The following ZNF544 variants were observed in gnomAD, a reference collection of about 807,000 sequenced individuals.
ZNF544 encodes zinc finger protein 544.
In ZNF544, 10 loss-of-function variants were observed where a neutral mutation model predicts 13.5. The observed-to-expected ratio is 0.74, with a 90% CI of 0.46 to 1.25. The LOEUF (loss-of-function observed/expected upper bound fraction) is 1.25. Ranked by LOEUF, ZNF544 falls within the 50% of genes most tolerant of loss-of-function variation. The pLI is 0.00. For missense variants in ZNF544, 896 were observed against 845.6 expected (o/e 1.06, Z -0.74); for synonymous variants, 323 against 300.5 (o/e 1.07, Z -0.77).
Position 58,262,664 on chromosome 19 carries a change from A to G in ZNF544, c.2058A>G (p.Lys686=). 1.9e-6 allele frequency: 3 copies of G among 1,613,970 alleles called. No homozygotes were observed. The highest frequency in any genetic ancestry group is 2.5e-6 in the Non-Finnish European group (3 of 1,179,940). Residue 686 remains lysine, a synonymous_variant, in exon 7 of 7, where the codon AAA becomes AAG. Transcript: ENST00000687789. ...ATCACAGAATTCATTCTGGAGAGAA[A>G]CCCTATGAATGTAGTGACTGTGGGA... ...LSHHRIHSGE[K]PYECSDCGKS... is the part of the protein sequence containing the mutation.
chr19:58,262,246 C>T lies in ZNF544; in HGVS notation c.1640C>T (p.Pro547Leu), dbSNP rs137923606. 2.5e-5 allele frequency: 41 copies of T among 1,614,036 alleles called. 1 individual carries two copies. Among genetic ancestry groups the T allele is most frequent in the Admixed American group, 2.3e-4 (14 of 59,992 alleles). ...CAGCGAATTCACACTGGAGAAAAACCGTATCAGTGTATTGAATGTGGGAAA... is the reference window on the plus strand; with the variant it reads ...CAGCGAATTCACACTGGAGAAAAACTGTATCAGTGTATTGAATGTGGGAAA... Reference protein sequence around the residue: ...THQRIHTGEKPYQCIECGKSF... With the variant: ...THQRIHTGEKLYQCIECGKSF... Residue 547 changes from proline (P) to leucine (L), a missense_variant, in exon 7 of 7, where the codon CCG becomes CTG. Coordinates refer to ENST00000687789, the MANE Select transcript of ZNF544 (RefSeq NM_014480.4).
intron 3 of ZNF544, among the ~76,000 whole-genome samples, chr19:58,241,179 A>ATATTT (rs1181835768): frequency 1.2e-4 from 9 of 72,768 alleles, no homozygotes; most frequent in Admixed American, 3.5e-4. Flanking sequence ...ATATATATAT[A>ATATTT]TTTTTTTTTT....
intron 5 of ZNF544, among the ~76,000 whole-genome samples, chr19:58,275,172 GTGACTCA>G (rs2051121539): frequency 6.6e-6 from 1 of 152,108 alleles, no homozygotes; most frequent in Non-Finnish European, 1.5e-5. Flanking sequence ...AATGTTGGGT[GTGACTCA>G]GGAGCCAGGA....
exon 7 of ZNF544, chr19:58,277,210 G>A (rs2051285390): frequency 1.6e-6 from 2 of 1,229,196 alleles, no homozygotes; most frequent in Non-Finnish European, 2.0e-6. Context: ...AAGCAGAGAC[G>A]GTACAGGGCC....
rs1180247610 is a variant in ZNF544 at position 58,263,139 on chromosome 19, A to G, written c.*385A>G. The G allele has an allele frequency of 4.0e-6, 4 of 1,010,036 alleles. No homozygotes were observed. The African/African-American group carries it at 6.9e-5, about 17-fold the overall frequency. The allele number at this position is 1,010,036 out of a possible 1,614,324, so 62.6% of individuals were successfully genotyped here. The stretch of plus-strand genomic sequence containing the variant: ...TGATACTTTCCTTATTCAACATGAG[A>G]AAGCTCATGGGCAAGAAACTCTATG... On this transcript the variant is annotated 3_prime_UTR_variant, in exon 7 of 7. Transcript: ENST00000687789.
chr19:58,243,612 A>G (rs1488563927), intron 3 of ZNF544, among the ~76,000 whole-genome samples: 1 of 151,902 alleles, frequency 6.6e-6, no homozygotes, highest in African/African-American at 2.4e-5. Flanking sequence ...CCACACCCCC[A>G]TTGTCATCAT....
chr19:58,241,624 G>C (rs1308464437), intron 3 of ZNF544, among the ~76,000 whole-genome samples: 2 of 151,770 alleles, frequency 1.3e-5, no homozygotes, highest in African/African-American at 4.8e-5. Flanking sequence ...GGCCTCCTGA[G>C]TAGCTGGGAC....
intron 6 of ZNF544, among the ~76,000 whole-genome samples, chr19:58,250,091 C>A (rs773663777): frequency 7.2e-5 from 11 of 152,204 alleles, no homozygotes; most frequent in Non-Finnish European, 1.3e-4. Context: ...GTCCAATTGG[C>A]TGGTAAACAT....
intron 5 of ZNF544, among the ~76,000 whole-genome samples, chr19:58,274,944 A>G (rs568093421): frequency 2.4e-4 from 36 of 152,158 alleles, no homozygotes; most frequent in African/African-American, 8.4e-4. Context: ...CAAAGAAACC[A>G]CAGAATAACA....
chr19:58,271,405 C>T (rs1278103903), intron 5 of ZNF544, among the ~76,000 whole-genome samples: 1 of 151,802 alleles, frequency 6.6e-6, no homozygotes, highest in African/African-American at 2.4e-5. Flanking sequence ...AGTTGGAGAC[C>T]AGCCTGGGCA....
At position 58,274,245 on chromosome 19, in the gene ZNF544, A is replaced by T. The variant is rs545623293; in HGVS notation, c.245-2078A>T. On this transcript the variant is annotated intron_variant, in intron 5 of 6. Transcript: ENST00000595981. ...AGCTGTGTCTCTTCCCAAAATTGATATGTTGAAGTTCTAACCCATAGTACC... is the reference window on the plus strand; with the variant it reads ...AGCTGTGTCTCTTCCCAAAATTGATTTGTTGAAGTTCTAACCCATAGTACC... 5.3e-5 allele frequency among the ~76,000 whole-genome samples: 8 copies of T among 152,286 alleles called. No individual in the cohort carries two copies. The South Asian group carries it at 1.7e-3, about 32-fold the overall frequency.
chr19:58,247,661 G>A (rs2045539163), intron 6 of ZNF544: 1 of 152,084 alleles, frequency 6.6e-6, no homozygotes, highest in Admixed American at 6.5e-5. Flanking sequence ...CTCCCAAAGT[G>A]CCGGGATTAC....
intron 4 of ZNF544, 66 bp downstream of exon 4, chr19:58,244,122 C>A: frequency 7.2e-7 from 1 of 1,394,372 alleles, no homozygotes; most frequent in Non-Finnish European, 1.0e-6. Flanking sequence ...CCAGGAATAG[C>A]ACCCGCCCCT....
chr19:58,250,170 CAT>C (rs1265419928), intron 6 of ZNF544, among the ~76,000 whole-genome samples: 2 of 152,186 alleles, frequency 1.3e-5, no homozygotes, highest in Non-Finnish European at 2.9e-5. Context: ...CTATGGTAAA[CAT>C]GTGGGTTAGC....
intron 3 of ZNF544, among the ~76,000 whole-genome samples, chr19:58,241,183 T>TAATATATATATATATA (rs1254015931): frequency 9.5e-5 from 3 of 31,452 alleles, no homozygotes; most frequent in Admixed American, 7.9e-4. Context: ...ATATATATTT[T>TAATATATATATATATA]TTTTTTTTTG....
chr19:58,273,471 A>C (rs1264588590), intron 5 of ZNF544, among the ~76,000 whole-genome samples: 2 of 152,078 alleles, frequency 1.3e-5, no homozygotes, highest in Non-Finnish European at 2.9e-5. Context: ...TGGGCGGATC[A>C]CCAGGTCAGG....
At chr19:58,274,514 C>G (rs1157286450) in intron 5 of ZNF544, among the ~76,000 whole-genome samples, 4 of 152,160 alleles carry the variant, frequency 2.6e-5, no homozygotes, top group African/African-American at 9.7e-5. Context: ...TCTTGTAGCC[C>G]TCAGAAGGAA....
At position 58,262,272 on chromosome 19, in the gene ZNF544, T is replaced by A. The variant is rs141614413; in HGVS notation, c.1666T>A (p.Ser556Thr). 2 of 1,613,492 alleles carry A rather than the reference T, an allele frequency of 1.2e-6. No individual in the cohort carries two copies. Among genetic ancestry groups the A allele is most frequent in the African/African-American group, 2.7e-5 (2 of 74,708 alleles). The change falls in exon 7 of 7, where the codon TCC (serine) becomes ACC (threonine). Residue 556 changes from serine to threonine, a missense_variant. Transcript: ENST00000687789. Reference protein sequence around the residue: ...KPYQCIECGKSFRWNSNLVIH... With the variant: ...KPYQCIECGKTFRWNSNLVIH... ...GTATCAGTGTATTGAATGTGGGAAA[T>A]CCTTCAGATGGAACTCTAACCTCGT...
chr19:58,272,333 G>A (rs2050733428), intron 5 of ZNF544, among the ~76,000 whole-genome samples: 2 of 152,058 alleles, frequency 1.3e-5, no homozygotes, highest in Admixed American at 1.3e-4. Flanking sequence ...AGGCCCAGGT[G>A]GAAGGATCAA....
Sources: gnomAD v4.1 joint callset for allele counts (sites outside exome capture counted in the v4.1 genomes callset) on GRCh38, gnomAD v4.1.1 for gene constraint, MANE v1.5 for transcripts, NCBI Gene and HGNC (gene_info 2026-07-23, HGNC 2026-07-21) for gene names.